The following CEP85L variants were observed in gnomAD, a reference collection of about 807,000 sequenced individuals.
CEP85L encodes the protein centrosomal protein of 85 kDa-like.
A neutral mutation model predicts 100.3 loss-of-function variants in CEP85L; 60 were observed. That is an observed-to-expected ratio of 0.60 (90% CI 0.49 to 0.74). The LOEUF is 0.74. CEP85L is among the 30% of genes least tolerant of loss of function. The pLI is 0.00. For synonymous variants in CEP85L, 319 were observed against 322.7 expected (o/e 0.99, Z 0.12); for missense variants, 973 against 936.2 (o/e 1.04, Z -0.51).
intron 1 of CEP85L, among the ~76,000 whole-genome samples, chr6:118,696,869 C>T (rs75046416): frequency 0.03 from 4,559 of 152,214 alleles, 113 homozygotes; most frequent in African/African-American, 0.065. Context: ...AGGTCCTTCC[C>T]ATCTTTTTGC....
intron 2 of CEP85L, among the ~76,000 whole-genome samples, chr6:118,595,137 A>G (rs1433170352): frequency 6.6e-6 from 1 of 152,174 alleles, no homozygotes; most frequent in Non-Finnish European, 1.5e-5. Flanking sequence ...TTCAAAAACA[A>G]CTTCCTCAAA....
intron 2 of CEP85L, among the ~76,000 whole-genome samples, chr6:118,567,233 G>GTATATA: frequency 1.2e-5 from 1 of 85,946 alleles, no homozygotes; most frequent in South Asian, 4.0e-4. Context: ...GTGTGTGTGT[G>GTATATA]TGTGTGTGTG....
rs1362017832 is a variant in CEP85L at position 118,507,379 on chromosome 6, T to G, written c.1257+3919A>C. Among the ~76,000 whole-genome samples, 4 of 152,204 alleles carry G rather than the reference T, an allele frequency of 2.6e-5. No homozygotes were observed. The East Asian group carries it at 7.7e-4, about 29-fold the overall frequency. On this transcript the variant is annotated intron_variant, in intron 5 of 12. Coordinates refer to ENST00000368491, the MANE Select transcript of CEP85L (RefSeq NM_001042475.3). ...AATGTTCACATAACTTTTGGACTAT[T>G]GAGACAGCTTCCTGACTGGTTTCCC...
At chr6:118,635,284 T>C (rs10484286) in intron 1 of CEP85L, among the ~76,000 whole-genome samples, 20,302 of 152,170 alleles carry the variant, frequency 0.13, 1,728 homozygotes, top group Non-Finnish European at 0.18. Flanking sequence ...TATCAACCTA[T>C]TTTTTAACAT....
chr6:118,488,534 C>T (rs1225528141), intron 6 of CEP85L, among the ~76,000 whole-genome samples: 1 of 151,868 alleles, frequency 6.6e-6, no homozygotes, highest in Non-Finnish European at 1.5e-5. Flanking sequence ...GCTTGAGAAA[C>T]TTAAAAAACA....
intron 2 of CEP85L, among the ~76,000 whole-genome samples, chr6:118,595,480 T>C (rs1047687948): frequency 6.6e-6 from 1 of 152,204 alleles, no homozygotes; most frequent in Non-Finnish European, 1.5e-5. Flanking sequence ...GAGATTCTCA[T>C]GTAATCCTCT....
chr6:118,652,929 A>G, upstream of CEP85L: 1 of 536,484 alleles, frequency 1.9e-6, no homozygotes, highest in South Asian at 2.4e-5. Context: ...TTAAGTCCCA[A>G]AAAGAAAATT....
Position 118,469,244 on chromosome 6 carries a change from T to G in CEP85L, c.2082A>C (p.Gln694His). Residue 694 changes from glutamine (Q) to histidine (H), a missense_variant, in exon 12 of 13, where the codon CAA (glutamine) becomes CAC (histidine). Gln to His is a conservative substitution (Grantham distance 24). This residue lies in a region of CEP85L where 890 missense variants were observed against 844.5 expected (regional missense o/e 1.05). Coordinates refer to ENST00000368491, the MANE Select transcript of CEP85L (RefSeq NM_001042475.3). ...TGGAAAGAACTGTCTGCTGCCTAGA[T>G]TGGTCAGGTTCCTGGCCCTGATCCA... is the stretch of plus-strand genomic sequence containing the variant. ...SLLDQGQEPD[Q>H]SRQQTVLSKR... 1 of 1,614,056 alleles carries G rather than the reference T, an allele frequency of 6.2e-7. No individual in the cohort carries two copies. Among genetic ancestry groups the G allele is most frequent in the South Asian group, 1.1e-5 (1 of 91,076 alleles).
At position 118,566,102 on chromosome 6, in the gene CEP85L, G is replaced by A; in HGVS notation, c.447C>T (p.Asp149=). The change falls in exon 3 of 13, where the codon GAC becomes GAT. Residue 149 remains aspartate, a synonymous_variant. Transcript: ENST00000368491. ...GEQDSSLDMK[D]FRPLRKWSSL... Reference sequence around the variant, plus strand: ...ATGACCATTTCCGAAGTGGCCGGAAGTCCTTCATGTCTAGGGAAGAGTCCT... The same window carrying A: ...ATGACCATTTCCGAAGTGGCCGGAAATCCTTCATGTCTAGGGAAGAGTCCT... 6.2e-7 allele frequency: 1 copy of A among 1,614,200 alleles called. No homozygotes were observed. The highest frequency in any genetic ancestry group is 1.1e-5 in the South Asian group (1 of 91,078).
chr6:118,497,630 TTCTGCTA>T (rs1315229038), intron 5 of CEP85L, among the ~76,000 whole-genome samples: 2 of 152,190 alleles, frequency 1.3e-5, no homozygotes, highest in Non-Finnish European at 2.9e-5. Context: ...GGTTAGGGAC[TTCTGCTA>T]TACACTCTGA....
At chr6:118,609,612 C>CA (rs1490386585) in intron 2 of CEP85L, among the ~76,000 whole-genome samples, 1 of 151,834 alleles carries the variant, frequency 6.6e-6, no homozygotes, top group Non-Finnish European at 1.5e-5. Context: ...AGTGAAATGA[C>CA]AAAAAGTAAA....
chr6:118,629,152 G>T (rs1025875042), intron 2 of CEP85L, among the ~76,000 whole-genome samples: 18 of 152,202 alleles, frequency 1.2e-4, no homozygotes, highest in Admixed American at 3.9e-4. Context: ...ACAGAAGTAA[G>T]TGTGTAGATT....
At chr6:118,634,765 A>T (rs994773980) in intron 1 of CEP85L, among the ~76,000 whole-genome samples, 1 of 152,218 alleles carries the variant, frequency 6.6e-6, no homozygotes, top group Admixed American at 6.5e-5. Context: ...AAATGAGCTC[A>T]AAGTCCTGCC....
chr6:118,499,664 A>C (rs1775148856), intron 5 of CEP85L, among the ~76,000 whole-genome samples: 1 of 151,898 alleles, frequency 6.6e-6, no homozygotes, highest in African/African-American at 2.4e-5. Flanking sequence ...ACTCTGTCTC[A>C]AAAAAAACAA....
intron 1 of CEP85L, among the ~76,000 whole-genome samples, chr6:118,706,388 C>A (rs1040091684): frequency 6.6e-6 from 1 of 152,264 alleles, no homozygotes; most frequent in South Asian, 2.1e-4. Context: ...AAAGCAGAAA[C>A]CCTGTAAGAC....
chr6:118,510,863 A>G (rs1775924754), intron 5 of CEP85L, among the ~76,000 whole-genome samples: 1 of 152,190 alleles, frequency 6.6e-6, no homozygotes, highest in Non-Finnish European at 1.5e-5. Context: ...TCCATAAAAC[A>G]GAAGATCGTG....
At chr6:118,625,802 T>A (rs777894528) in intron 2 of CEP85L, among the ~76,000 whole-genome samples, 2 of 152,210 alleles carry the variant, frequency 1.3e-5, no homozygotes, top group Non-Finnish European at 2.9e-5. Flanking sequence ...GTAACAGCCA[T>A]CTTGCTATCA....
intron 2 of CEP85L, among the ~76,000 whole-genome samples, chr6:118,595,093 C>T (rs1781395401): frequency 6.6e-6 from 1 of 152,138 alleles, no homozygotes; most frequent in Non-Finnish European, 1.5e-5. Flanking sequence ...GGTCCCACAG[C>T]AAGATTATGC....
At chr6:118,563,384 A>G (rs1435515106) in intron 3 of CEP85L, among the ~76,000 whole-genome samples, 1 of 152,218 alleles carries the variant, frequency 6.6e-6, no homozygotes, top group Non-Finnish European at 1.5e-5. Flanking sequence ...GAATCAAATG[A>G]GATAAAATAC....
Sources: gnomAD v4.1 joint callset for allele counts (sites outside exome capture counted in the v4.1 genomes callset) on GRCh38, gnomAD v4.1.1 for gene constraint, gnomAD v4.1.1 regional missense constraint, MANE v1.5 for transcripts, NCBI Gene and HGNC (gene_info 2026-07-23, HGNC 2026-07-21) for gene names.